The following XKR9 variants were observed in gnomAD, a reference collection of about 807,000 sequenced individuals.
XKR9 encodes the protein XK related 9, also known as XK-related protein 9.
XKR9 carries 32 observed loss-of-function variants against 32.0 expected under a neutral mutation model. The observed-to-expected ratio is 1.00, with a 90% CI of 0.76 to 1.34. XKR9 has a LOEUF of 1.34. XKR9 is among the 40% of genes most tolerant of loss of function. XKR9 has a pLI of 0.00. For missense variants in XKR9, 546 were observed against 429.7 expected, an observed-to-expected ratio of 1.27 and a Z score of -2.39; for synonymous variants, 168 against 143.4, an observed-to-expected ratio of 1.17 and a Z score of -1.22.
chr8:70,676,424 C>T (rs1477454566), intron 2 of XKR9, among the ~76,000 whole-genome samples: 1 of 152,124 alleles, frequency 6.6e-6, no homozygotes, highest in African/African-American at 2.4e-5. Context: ...TTGTAGGTGG[C>T]ATTATTTTAC....
At chr8:71,006,577 T>C in the XKR9 span, among the ~76,000 whole-genome samples, 1 of 152,188 alleles carries the variant, frequency 6.6e-6, no homozygotes, top group Non-Finnish European at 1.5e-5. Context: ...ACATGAGGTA[T>C]AGAAACTGAA....
intron 4 of XKR9, among the ~76,000 whole-genome samples, chr8:70,731,523 TG>T (rs1392853056): frequency 2.0e-5 from 3 of 152,150 alleles, no homozygotes; most frequent in Non-Finnish European, 4.4e-5. Flanking sequence ...ATGGGCTGCA[TG>T]GGGAACTGAA....
At chr8:70,806,085 C>T in the XKR9 span, among the ~76,000 whole-genome samples, 2 of 152,146 alleles carry the variant, frequency 1.3e-5, no homozygotes, top group African/African-American at 4.8e-5. Context: ...TCTCAGCCTC[C>T]TTGAGTGACA....
chr8:70,999,751 A>G, the XKR9 span, among the ~76,000 whole-genome samples: 117 of 152,360 alleles, frequency 7.7e-4, no homozygotes, highest in African/African-American at 2.5e-3. Context: ...TTTAGTGACA[A>G]CGTGATCAGT....
chr8:70,834,370 A>G, the XKR9 span, among the ~76,000 whole-genome samples: 1 of 152,040 alleles, frequency 6.6e-6, no homozygotes, highest in Non-Finnish European at 1.5e-5. Flanking sequence ...TATTGTTTCC[A>G]TTTATTTTAA....
the XKR9 span, among the ~76,000 whole-genome samples, chr8:70,946,326 C>A: frequency 6.6e-6 from 1 of 151,756 alleles, no homozygotes; most frequent in Non-Finnish European, 1.5e-5. Flanking sequence ...TTTTGTCCCC[C>A]TATGTCATTT....
At chr8:70,878,592 CAAG>C in the XKR9 span, among the ~76,000 whole-genome samples, 1 of 152,156 alleles carries the variant, frequency 6.6e-6, no homozygotes, top group African/African-American at 2.4e-5. Flanking sequence ...ACCAATTCAA[CAAG>C]AAGAGCTAAC....
chr8:71,036,671 A>T, the XKR9 span, among the ~76,000 whole-genome samples: 3 of 152,078 alleles, frequency 2.0e-5, no homozygotes, highest in Admixed American at 2.0e-4. Flanking sequence ...ATCACAATGG[A>T]TGGTATGCAG....
intron 3 of XKR9, among the ~76,000 whole-genome samples, chr8:70,706,446 C>G (rs758023785): frequency 1.3e-5 from 2 of 152,026 alleles, no homozygotes; most frequent in Non-Finnish European, 2.9e-5. Context: ...CCTTGATATT[C>G]TCTTAAGGGA....
intron 2 of XKR9, among the ~76,000 whole-genome samples, chr8:70,757,649 C>T (rs760717266): frequency 1.3e-5 from 2 of 152,174 alleles, no homozygotes; most frequent in Non-Finnish European, 2.9e-5. Flanking sequence ...TGTGGTGCCG[C>T]AATCTCGGCT....
At chr8:71,042,951 A>G in the XKR9 span, among the ~76,000 whole-genome samples, 1 of 152,166 alleles carries the variant, frequency 6.6e-6, no homozygotes, top group Non-Finnish European at 1.5e-5. Context: ...GCTCCACACA[A>G]TGGAACCATT....
At chr8:70,720,456 A>C (rs753100681) in intron 4 of XKR9, among the ~76,000 whole-genome samples, 1 of 152,080 alleles carries the variant, frequency 6.6e-6, no homozygotes, top group Non-Finnish European at 1.5e-5. Flanking sequence ...AGCTCTTATT[A>C]TTTTGAGATA....
chr8:70,941,147 C>G, the XKR9 span, among the ~76,000 whole-genome samples: 4 of 151,946 alleles, frequency 2.6e-5, no homozygotes, highest in African/African-American at 4.8e-5. Flanking sequence ...CCTTGGCAAC[C>G]ACCAATCTGC....
intron 2 of XKR9, among the ~76,000 whole-genome samples, chr8:70,761,382 CTT>C (rs1025724126): frequency 1.3e-5 from 2 of 151,758 alleles, no homozygotes; most frequent in African/African-American, 4.8e-5. Context: ...TTTTTTTTGA[CTT>C]TTTAATAAAA....
chr8:71,022,810 TCTGA>T, the XKR9 span, among the ~76,000 whole-genome samples: 1 of 152,314 alleles, frequency 6.6e-6, no homozygotes, highest in East Asian at 1.9e-4. Context: ...TTGTTTTTAG[TCTGA>T]CTGAGATATT....
chr8:70,794,418 T>A (rs1194028603), downstream of XKR9, among the ~76,000 whole-genome samples: 1 of 152,110 alleles, frequency 6.6e-6, no homozygotes, highest in Non-Finnish European at 1.5e-5. Context: ...ATTAGCATCC[T>A]TCTCTTACTT....
At chr8:70,842,454 T>C in the XKR9 span, among the ~76,000 whole-genome samples, 44 of 152,278 alleles carry the variant, frequency 2.9e-4, no homozygotes, top group Non-Finnish European at 5.4e-4. Context: ...CCGGATGTTA[T>C]TTAATAGATG....
chr8:70,731,028 A>C (rs1222248683), intron 4 of XKR9, among the ~76,000 whole-genome samples: 1 of 152,238 alleles, frequency 6.6e-6, no homozygotes, highest in Non-Finnish European at 1.5e-5. Flanking sequence ...TCAGGGTCCC[A>C]CAGCAAAGTT....
chr8:70,871,463 C>T, the XKR9 span, among the ~76,000 whole-genome samples: 2 of 152,122 alleles, frequency 1.3e-5, no homozygotes, highest in African/African-American at 4.8e-5. Flanking sequence ...TTTGGAAATT[C>T]TCATAATATT....
Sources: gnomAD v4.1 joint callset for allele counts (sites outside exome capture counted in the v4.1 genomes callset) on GRCh38, gnomAD v4.1.1 for gene constraint, MANE v1.5 for transcripts, NCBI Gene and HGNC (gene_info 2026-07-23, HGNC 2026-07-21) for gene names.